The following GSE1 variants were observed in gnomAD, a reference collection of about 807,000 sequenced individuals.
The protein encoded by GSE1 is Gse1 coiled-coil protein.
A neutral mutation model predicts 112.6 loss-of-function variants in GSE1; 32 were observed. That is an observed-to-expected ratio of 0.28 (90% CI 0.21 to 0.38). GSE1 has a LOEUF of 0.38. Ranked by LOEUF, GSE1 falls within the 10% of genes least tolerant of loss-of-function variation. GSE1 has a pLI of 1.00. For missense variants in GSE1, 2,348 were observed against 1,699.2 expected, an observed-to-expected ratio of 1.38 and a Z score of -6.71; for synonymous variants, 1,115 against 735.6, an observed-to-expected ratio of 1.52 and a Z score of -8.35.
intron 2 of GSE1, among the ~76,000 whole-genome samples, chr16:85,644,766 C>T (rs552528383): frequency 3.3e-5 from 5 of 151,978 alleles, no homozygotes; most frequent in South Asian, 2.1e-4. Context: ...ACCGTGGGGC[C>T]GCGCGCTGGG....
Position 85,263,812 on chromosome 16 carries a change from A to G in GSE1, c.2283+92005A>G, listed in dbSNP as rs557318776. The stretch of plus-strand genomic sequence containing the variant: ...GGTCTGGAACTCCTGAGCTCAGGTC[A>G]TCTGCCTTCCTCGGCCTCCCAAAGT... On this transcript the variant is annotated intron_variant, in intron 1 of 2. Coordinates refer to the GSE1 transcript ENST00000637419. 1.4e-4 allele frequency among the ~76,000 whole-genome samples: 21 copies of G among 152,302 alleles called. No individual in the cohort carries two copies. In the South Asian group the frequency reaches 4.1e-3, roughly 30 times the overall value.
At chr16:85,257,125 T>G (rs924966850) in intron 1 of GSE1, among the ~76,000 whole-genome samples, 1 of 152,166 alleles carries the variant, frequency 6.6e-6, no homozygotes, top group Non-Finnish European at 1.5e-5. Context: ...GCTCTGTATT[T>G]TCATTTTTTT....
At chr16:85,530,447 G>A (rs1275723703) in intron 2 of GSE1, among the ~76,000 whole-genome samples, 1 of 152,172 alleles carries the variant, frequency 6.6e-6, no homozygotes, top group African/African-American at 2.4e-5. Flanking sequence ...CTTACGATTT[G>A]CAGCCAGCTC....
chr16:85,603,282 G>A (rs191832178), intron 1 of GSE1, among the ~76,000 whole-genome samples: 63 of 152,328 alleles, frequency 4.1e-4, no homozygotes, highest in African/African-American at 1.5e-3. Context: ...GTGGAAGGGG[G>A]AGAGACGCCG....
intron 1 of GSE1, among the ~76,000 whole-genome samples, chr16:85,227,520 G>T (rs1341564329): frequency 1.3e-5 from 2 of 152,242 alleles, no homozygotes; most frequent in Non-Finnish European, 1.5e-5. Flanking sequence ...AACAGCACAG[G>T]CAGGGCCCAG....
chr16:85,597,248 G>A (rs1341537458), intron 1 of GSE1, among the ~76,000 whole-genome samples: 1 of 151,726 alleles, frequency 6.6e-6, no homozygotes, highest in South Asian at 2.1e-4. Context: ...CAAAGTGCTG[G>A]GATTAATGGC....
intron 2 of GSE1, among the ~76,000 whole-genome samples, chr16:85,512,021 G>T (rs372113274): frequency 1.3e-5 from 2 of 152,204 alleles, no homozygotes; most frequent in Non-Finnish European, 2.9e-5. Context: ...CGCAGGAGTG[G>T]AGGGAGGTGC....
intron 1 of GSE1, among the ~76,000 whole-genome samples, chr16:85,205,167 T>TA: frequency 6.6e-6 from 1 of 152,330 alleles, no homozygotes; most frequent in South Asian, 2.1e-4. Flanking sequence ...TCTCGCTCTG[T>TA]CACCCAGGCT....
intron 1 of GSE1, among the ~76,000 whole-genome samples, chr16:85,351,634 C>G (rs150490322): frequency 6.6e-6 from 1 of 152,104 alleles, no homozygotes; most frequent in Non-Finnish European, 1.5e-5. Context: ...AGCCATCAAA[C>G]GATACACTTT....
intron 1 of GSE1, among the ~76,000 whole-genome samples, chr16:85,294,962 G>T (rs2045326952): frequency 6.6e-6 from 1 of 151,768 alleles, no homozygotes; most frequent in South Asian, 2.1e-4. Flanking sequence ...TGTTGCCCAG[G>T]CTGGTCTCGA....
At chr16:85,385,099 A>G (rs557174087) in intron 2 of GSE1, among the ~76,000 whole-genome samples, 4 of 152,242 alleles carry the variant, frequency 2.6e-5, no homozygotes, top group Non-Finnish European at 2.9e-5. Context: ...TCAGGAGACA[A>G]GTCTGTTCTC....
intron 2 of GSE1, among the ~76,000 whole-genome samples, chr16:85,371,953 G>A (rs980419179): frequency 2.0e-5 from 3 of 152,232 alleles, no homozygotes; most frequent in East Asian, 1.9e-4. Context: ...CTGAAGGAAC[G>A]GGCAGAGAGG....
At chr16:85,525,339 T>C (rs1295172342) in intron 2 of GSE1, among the ~76,000 whole-genome samples, 2 of 151,000 alleles carry the variant, frequency 1.3e-5, no homozygotes, top group Non-Finnish European at 1.5e-5. Flanking sequence ...GTGGGCCCAG[T>C]GCGGCTGGCT....
intron 1 of GSE1, among the ~76,000 whole-genome samples, chr16:85,261,188 C>T (rs140089402): frequency 3.9e-5 from 6 of 152,356 alleles, no homozygotes; most frequent in African/African-American, 1.4e-4. Context: ...AGCTCGCATT[C>T]TTGCCAGAGC....
intron 1 of GSE1, among the ~76,000 whole-genome samples, chr16:85,596,320 C>T (rs185742289): frequency 3.9e-5 from 6 of 152,262 alleles, no homozygotes; most frequent in Non-Finnish European, 7.4e-5. Context: ...GATAGTTCCC[C>T]GGGGAGGAGC....
rs139600457 is a variant in GSE1 at position 85,652,565 on chromosome 16, G to T, written c.427-1713G>T. Among the ~76,000 whole-genome samples the T allele has an allele frequency of 1.4e-4, 21 of 151,866 alleles. No individual in the cohort carries two copies. The East Asian group carries it at 3.9e-3, about 28-fold the overall frequency. On this transcript the variant is annotated intron_variant, in intron 3 of 15. Coordinates refer to ENST00000253458, the MANE Select transcript of GSE1 (RefSeq NM_014615.5). ...ATTCCAGGCGGCGGCGGCGGCGGCG[G>T]CTCCTCCAGTTAATCCTCGCTGACT...
At chr16:85,231,984 G>GC (rs937161233) in intron 1 of GSE1, among the ~76,000 whole-genome samples, 2 of 152,164 alleles carry the variant, frequency 1.3e-5, no homozygotes, top group Non-Finnish European at 1.5e-5. Flanking sequence ...GTGTTGGCTT[G>GC]CCCCCCTGCC....
intron 2 of GSE1, among the ~76,000 whole-genome samples, chr16:85,473,772 G>A (rs1173203421): frequency 6.6e-6 from 1 of 151,868 alleles, no homozygotes; most frequent in African/African-American, 2.4e-5. Context: ...TGTCTTTTGC[G>A]GGGCGGAGGG....
chr16:85,226,965 C>G (rs558486832), intron 1 of GSE1, among the ~76,000 whole-genome samples: 1 of 152,230 alleles, frequency 6.6e-6, no homozygotes, highest in Non-Finnish European at 1.5e-5. Flanking sequence ...GCGGCCATCC[C>G]CACACCTAGG....
Sources: allele counts gnomAD v4.1 joint callset (sites outside exome capture counted in the v4.1 genomes callset), GRCh38; gene constraint gnomAD v4.1.1; transcripts MANE v1.5; gene names NCBI Gene and HGNC (gene_info 2026-07-23, HGNC 2026-07-21).